Variants in SULT1E1 observed in about 807,000 individuals in gnomAD.
SULT1E1 encodes sulfotransferase 1E1.
Under a neutral mutation model 33.6 loss-of-function variants are expected in SULT1E1, and 36 were observed. The observed-to-expected ratio is 1.07, with a 90% CI of 0.82 to 1.41. SULT1E1 has a LOEUF of 1.41. Among genes scored for constraint, SULT1E1 ranks in the 40% most tolerant of loss-of-function variants. The pLI is 0.00. For missense variants in SULT1E1, 371 were observed against 345.7 expected (o/e 1.07, Z -0.58); for synonymous variants, 121 against 111.7 (o/e 1.08, Z -0.53).
chr4:69,859,088 T>C (rs1187070031), intron 1 of SULT1E1, among the ~76,000 whole-genome samples: 2 of 152,170 alleles, frequency 1.3e-5, no homozygotes, highest in Admixed American at 1.3e-4. Context: ...GATCCCCATT[T>C]TCTCAAAAGA....
intron 4 of SULT1E1, among the ~76,000 whole-genome samples, chr4:69,852,983 T>C (rs1251785105): frequency 1.3e-5 from 2 of 152,154 alleles, no homozygotes; most frequent in Admixed American, 1.3e-4. Context: ...ACAGCCCTTA[T>C]GCATGGAATG....
intron 6 of SULT1E1, among the ~76,000 whole-genome samples, chr4:69,846,729 C>G (rs924361781): frequency 1.1e-4 from 16 of 151,696 alleles, no homozygotes; most frequent in African/African-American, 3.6e-4. Context: ...ACACTACAAT[C>G]AACAGTGTGT....
chr4:69,833,795 C>A, the SULT1E1 span, among the ~76,000 whole-genome samples: 1 of 152,152 alleles, frequency 6.6e-6, no homozygotes. Context: ...TTTCATGGCA[C>A]TAACCCATGG....
At chr4:69,845,542 TATA>T (rs1393008219) in intron 6 of SULT1E1, among the ~76,000 whole-genome samples, 1 of 151,292 alleles carries the variant, frequency 6.6e-6, no homozygotes, top group Non-Finnish European at 1.5e-5. Flanking sequence ...TGTATATATA[TATA>T]ATATATACAC....
At chr4:69,849,326 C>G in intron 5 of SULT1E1, 111 bp downstream of exon 5, 1 of 1,317,260 alleles carries the variant, frequency 7.6e-7, no homozygotes, top group Non-Finnish European at 1.0e-6. Flanking sequence ...TGTGTTTTAA[C>G]TATGAATCAG....
At chr4:69,844,471 T>G in intron 6 of SULT1E1, 130 bp from the exon 7 acceptor site, 1 of 689,528 alleles carries the variant, frequency 1.5e-6, no homozygotes, top group South Asian at 2.5e-5. Flanking sequence ...ATGAGAAATC[T>G]AATTGGGGGA....
At chr4:69,845,502 T>A (rs1720955389) in intron 6 of SULT1E1, among the ~76,000 whole-genome samples, 2 of 151,366 alleles carry the variant, frequency 1.3e-5, no homozygotes, top group Middle Eastern at 3.2e-3. Context: ...TATGTATATA[T>A]GGGTGCAAAA....
chr4:69,849,827 T>C (rs1162566720), intron 4 of SULT1E1, among the ~76,000 whole-genome samples: 1 of 151,918 alleles, frequency 6.6e-6, no homozygotes, highest in East Asian at 1.9e-4. Flanking sequence ...CTCATTTGAG[T>C]GTTGTAAATT....
chr4:69,857,941 G>A lies in SULT1E1; in HGVS notation c.-9-288C>T, dbSNP rs568659687. 5.3e-5 allele frequency among the ~76,000 whole-genome samples: 8 copies of A among 152,180 alleles called. No individual in the cohort carries two copies. The East Asian group carries it at 7.7e-4, about 15-fold the overall frequency. ...GGATATATTCAATTATATTTATTCC[G>A]TGATAAATAAAAACCACAGAACCTT... On this transcript the variant is annotated intron_variant, in intron 1 of 7. Transcript: ENST00000226444.
chr4:69,831,892 C>T, the SULT1E1 span, among the ~76,000 whole-genome samples: 7 of 152,190 alleles, frequency 4.6e-5, no homozygotes, highest in Non-Finnish European at 1.0e-4. Context: ...CACATTACTT[C>T]CTGCGTTAGT....
chr4:69,830,846 G>T, the SULT1E1 span, among the ~76,000 whole-genome samples: 1 of 152,222 alleles, frequency 6.6e-6, no homozygotes, highest in Non-Finnish European at 1.5e-5. Context: ...CTGTGTAGGA[G>T]GGAGCATGAT....
At chr4:69,840,099 A>G (rs1411288671), downstream of SULT1E1, among the ~76,000 whole-genome samples, 1 of 152,178 alleles carries the variant, frequency 6.6e-6, no homozygotes, top group Non-Finnish European at 1.5e-5. Context: ...ATGTAAAACA[A>G]TTGTTTTCAG....
At chr4:69,843,861 T>C (rs1720926676) in intron 7 of SULT1E1, among the ~76,000 whole-genome samples, 1 of 152,232 alleles carries the variant, frequency 6.6e-6, no homozygotes, top group African/African-American at 2.4e-5. Context: ...TGATACATGT[T>C]GTAACACTGA....
At chr4:69,847,892 A>T in intron 5 of SULT1E1, 100 bp from the exon 6 acceptor site, 1 of 637,008 alleles carries the variant, frequency 1.6e-6, no homozygotes, top group South Asian at 2.2e-5. Context: ...ATATAAATAG[A>T]TAATCATGAA....
chr4:69,831,375 T>C, the SULT1E1 span, among the ~76,000 whole-genome samples: 1 of 152,138 alleles, frequency 6.6e-6, no homozygotes, highest in Admixed American at 6.6e-5. Flanking sequence ...ACCATGCTGG[T>C]CAGTTTTATA....
the SULT1E1 span, among the ~76,000 whole-genome samples, chr4:69,827,576 C>T: frequency 6.6e-5 from 10 of 151,852 alleles, no homozygotes; most frequent in African/African-American, 1.9e-4. Context: ...CTGACTCCTT[C>T]GAGGGTCAAT....
At chr4:69,857,779 A>C (rs778534682) in intron 1 of SULT1E1, 126 bp from the exon 2 acceptor site, 7 of 755,160 alleles carry the variant, frequency 9.3e-6, no homozygotes, top group Admixed American at 3.4e-5. Context: ...ATGGGGCAAA[A>C]ACATAGTAAA....
chr4:69,833,521 A>T, the SULT1E1 span, among the ~76,000 whole-genome samples: 1 of 152,152 alleles, frequency 6.6e-6, no homozygotes, highest in African/African-American at 2.4e-5. Flanking sequence ...ATCAATCTGA[A>T]ATTCTGAGTA....
At chr4:69,856,825 A>ACTC (rs1721249643) in intron 2 of SULT1E1, among the ~76,000 whole-genome samples, 1 of 149,394 alleles carries the variant, frequency 6.7e-6, no homozygotes, top group Non-Finnish European at 1.5e-5. Flanking sequence ...AGTCCCAGCT[A>ACTC]CTCGGGAGGC....
Sources: allele counts gnomAD v4.1 joint callset (sites outside exome capture counted in the v4.1 genomes callset), GRCh38; gene constraint gnomAD v4.1.1; transcripts MANE v1.5; gene names NCBI Gene and HGNC (gene_info 2026-07-23, HGNC 2026-07-21).